The following BANK1 variants were observed in gnomAD, a reference collection of about 807,000 sequenced individuals.
The protein encoded by BANK1 is B-cell scaffold protein with ankyrin repeats.
Under a neutral mutation model 94.5 loss-of-function variants are expected in BANK1, and 95 were observed. The observed-to-expected ratio is 1.00, with a 90% CI of 0.85 to 1.19. BANK1 has a LOEUF of 1.19. Among genes scored for constraint, BANK1 ranks in the 50% most tolerant of loss-of-function variants. The pLI, the probability that BANK1 is intolerant of heterozygous loss-of-function variation, is 0.00. For missense variants in BANK1, 987 were observed against 932.2 expected (o/e 1.06, Z -0.77); for synonymous variants, 334 against 308.4 (o/e 1.08, Z -0.87).
chr4:101,942,488 G>A (rs1007000194), intron 7 of BANK1, among the ~76,000 whole-genome samples: 3 of 151,872 alleles, frequency 2.0e-5, no homozygotes, highest in Non-Finnish European at 2.9e-5. Context: ...ATGAATAAGT[G>A]CACACATCTT....
intron 5 of BANK1, among the ~76,000 whole-genome samples, chr4:101,884,930 C>T (rs960809398): frequency 7.9e-5 from 12 of 152,014 alleles, no homozygotes; most frequent in Non-Finnish European, 1.3e-4. Flanking sequence ...TTTTCTGAGA[C>T]GGAGTTTCAC....
intron 1 of BANK1, among the ~76,000 whole-genome samples, chr4:101,813,226 C>T (rs1238573136): frequency 6.6e-6 from 1 of 152,004 alleles, no homozygotes; most frequent in African/African-American, 2.4e-5. Context: ...ACAAAAATCA[C>T]TTTGGTGAAT....
intron 5 of BANK1, among the ~76,000 whole-genome samples, chr4:101,874,621 A>C (rs1728418160): frequency 6.6e-6 from 1 of 152,222 alleles, no homozygotes; most frequent in East Asian, 1.9e-4. Flanking sequence ...GAAGGTTCAA[A>C]CTTCTTTGAA....
At chr4:101,976,325 C>T (rs569115021) in intron 7 of BANK1, among the ~76,000 whole-genome samples, 1 of 152,208 alleles carries the variant, frequency 6.6e-6, no homozygotes, top group South Asian at 2.1e-4. Flanking sequence ...TCTTCTAAGT[C>T]TGAGACTTTC....
intron 7 of BANK1, among the ~76,000 whole-genome samples, chr4:102,002,928 C>T (rs1726127318): frequency 6.6e-6 from 1 of 152,156 alleles, no homozygotes; most frequent in Non-Finnish European, 1.5e-5. Context: ...CATGTGCCAC[C>T]ATGCCCAGCT....
chr4:101,949,452 A>G (rs1214128437), intron 7 of BANK1, among the ~76,000 whole-genome samples: 2 of 152,144 alleles, frequency 1.3e-5, no homozygotes, highest in African/African-American at 2.4e-5. Flanking sequence ...GATACTCTCT[A>G]AGCCTTGACT....
At chr4:101,934,245 A>T (rs1235478492) in intron 7 of BANK1, among the ~76,000 whole-genome samples, 2 of 150,020 alleles carry the variant, frequency 1.3e-5, no homozygotes, top group East Asian at 3.9e-4. Context: ...CTTAGTATTA[A>T]TTTTTTTTTT....
At chr4:101,943,253 A>G (rs1172569274) in intron 7 of BANK1, among the ~76,000 whole-genome samples, 3 of 151,992 alleles carry the variant, frequency 2.0e-5, no homozygotes, top group East Asian at 1.9e-4. Context: ...CCTCAAGGCA[A>G]TGGAGAATAT....
At chr4:101,862,496 G>A (rs1578363766) in intron 3 of BANK1, 30 bp from the exon 4 acceptor site, 1 of 1,573,710 alleles carries the variant, frequency 6.4e-7, no homozygotes, top group Non-Finnish European at 8.6e-7. Flanking sequence ...TTTTCCAAAT[G>A]CTTAAATGGG....
intron 5 of BANK1, among the ~76,000 whole-genome samples, chr4:101,891,828 T>G: frequency 6.6e-6 from 1 of 152,060 alleles, no homozygotes. Flanking sequence ...AAAATTCTAG[T>G]TGGTTCTTCT....
chr4:102,034,613 A>G (rs1324355332), intron 10 of BANK1, among the ~76,000 whole-genome samples: 1 of 152,200 alleles, frequency 6.6e-6, no homozygotes, highest in African/African-American at 2.4e-5. Flanking sequence ...GTGTGAGGGA[A>G]GGAAGACCCT....
intron 7 of BANK1, among the ~76,000 whole-genome samples, chr4:102,014,280 C>T (rs750644826): frequency 2.0e-5 from 3 of 152,090 alleles, no homozygotes; most frequent in South Asian, 2.1e-4. Flanking sequence ...AATCCACCTG[C>T]TTCTTTGATT....
At chr4:101,793,989 A>G (rs1433705850) in intron 1 of BANK1, among the ~76,000 whole-genome samples, 2 of 151,948 alleles carry the variant, frequency 1.3e-5, no homozygotes, top group African/African-American at 4.8e-5. Context: ...TCTCGTATCA[A>G]AAAAAATAGG....
intron 7 of BANK1, among the ~76,000 whole-genome samples, chr4:102,010,416 G>A (rs1418227623): frequency 6.7e-6 from 1 of 148,186 alleles, no homozygotes; most frequent in Non-Finnish European, 1.5e-5. Context: ...TTTTGGGACG[G>A]AGTTTCACTT....
At chr4:101,897,402 G>T (rs1321813858) in intron 6 of BANK1, among the ~76,000 whole-genome samples, 2 of 151,890 alleles carry the variant, frequency 1.3e-5, no homozygotes, top group African/African-American at 4.8e-5. Flanking sequence ...CTGCCTCTCG[G>T]TATACTGTTT....
chr4:101,932,501 G>A (rs1376938900), intron 7 of BANK1, among the ~76,000 whole-genome samples: 1 of 151,346 alleles, frequency 6.6e-6, no homozygotes. Context: ...TTTAATAATT[G>A]GTAGTATGTC....
chr4:101,794,290 A>G (rs544586843), intron 1 of BANK1, among the ~76,000 whole-genome samples: 1 of 152,284 alleles, frequency 6.6e-6, no homozygotes, highest in Non-Finnish European at 1.5e-5. Flanking sequence ...GAGTATTTCA[A>G]CTTACAAGAA....
intron 1 of BANK1, among the ~76,000 whole-genome samples, chr4:101,824,989 TAAGACA>T (rs1209604785): frequency 6.6e-6 from 1 of 152,196 alleles, no homozygotes. Flanking sequence ...ATAGTGTATT[TAAGACA>T]AATAAGGCAT....
chr4:101,894,499 A>C (rs1054528400), intron 5 of BANK1, among the ~76,000 whole-genome samples: 7 of 152,000 alleles, frequency 4.6e-5, no homozygotes, highest in African/African-American at 1.7e-4. Flanking sequence ...ATTTGTGACT[A>C]TGTCTTGACA....
Sources: allele counts gnomAD v4.1 joint callset (sites outside exome capture counted in the v4.1 genomes callset), GRCh38; gene constraint gnomAD v4.1.1; transcripts MANE v1.5; gene names NCBI Gene and HGNC (gene_info 2026-07-23, HGNC 2026-07-21).